Variants in PALM2AKAP2 observed in about 807,000 individuals in gnomAD.
The protein encoded by PALM2AKAP2 is PALM2-AKAP2 fusion protein.
Under a neutral mutation model 71.5 loss-of-function variants are expected in PALM2AKAP2, and 37 were observed. That is an observed-to-expected ratio of 0.52 (90% CI 0.40 to 0.68). PALM2AKAP2 has a LOEUF of 0.68. PALM2AKAP2 is among the 30% of genes least tolerant of loss of function. The pLI is 0.00. For synonymous variants in PALM2AKAP2, 468 were observed against 478.8 expected, an observed-to-expected ratio of 0.98 and a Z score of 0.29; for missense variants, 1,224 against 1,191.8, an observed-to-expected ratio of 1.03 and a Z score of -0.40.
At chr9:109,772,127 T>A (rs145062227) in intron 1 of PALM2AKAP2, 1 of 152,398 alleles carries the variant, frequency 6.6e-6, no homozygotes, top group Non-Finnish European at 1.5e-5. Context: ...AACTGCTTTT[T>A]CTAATTTACA....
chr9:109,704,004 C>G (rs1828104450), intron 1 of PALM2AKAP2, among the ~76,000 whole-genome samples: 1 of 152,192 alleles, frequency 6.6e-6, no homozygotes, highest in Non-Finnish European at 1.5e-5. Flanking sequence ...TGAAAGGCTC[C>G]TTGGCCAGGT....
At chr9:109,841,194 G>T (rs10980081) in intron 1 of PALM2AKAP2, among the ~76,000 whole-genome samples, 16,252 of 151,848 alleles carry the variant, frequency 0.11, 1,286 homozygotes, top group East Asian at 0.39. Flanking sequence ...CCATAAAAAA[G>T]GATGAGTTCA....
chr9:109,835,747 C>T lies in PALM2AKAP2; in HGVS notation c.46-31744C>T, dbSNP rs146982214. ...AGGAGATTATATCCTGCGCCTGGCT[C>T]AGAGGGTACCACGCCCATGGAGCCT... On this transcript the variant is annotated intron_variant, in intron 1 of 9. Coordinates refer to the PALM2AKAP2 transcript ENST00000302798. Among the ~76,000 whole-genome samples the T allele has an allele frequency of 3.0e-3, 455 of 152,302 alleles. 2 individuals are homozygous for T. Among genetic ancestry groups the T allele is most frequent in the African/African-American group, 0.011 (443 of 41,560 alleles).
At chr9:110,141,978 A>G (rs1185799708) in intron 2 of PALM2AKAP2, among the ~76,000 whole-genome samples, 1 of 152,062 alleles carries the variant, frequency 6.6e-6, no homozygotes, top group Admixed American at 6.6e-5. Flanking sequence ...TAAAAGATGG[A>G]CAATGAATGA....
chr9:110,144,899 G>A (rs1048294745), intron 2 of PALM2AKAP2, among the ~76,000 whole-genome samples: 2 of 152,142 alleles, frequency 1.3e-5, no homozygotes, highest in African/African-American at 4.8e-5. Flanking sequence ...AGTTGCCCAA[G>A]GTCACTCAGC....
chr9:109,669,401 A>AT (rs1827540737), intron 1 of PALM2AKAP2, among the ~76,000 whole-genome samples: 1 of 151,328 alleles, frequency 6.6e-6, no homozygotes, highest in Admixed American at 6.6e-5. Flanking sequence ...TATTGTTGTA[A>AT]TTTTTTTTCT....
At chr9:109,723,283 T>A (rs1587882710) in intron 1 of PALM2AKAP2, among the ~76,000 whole-genome samples, 2 of 152,224 alleles carry the variant, frequency 1.3e-5, no homozygotes, top group South Asian at 4.2e-4. Flanking sequence ...CTCCTATAAG[T>A]CTAATTATGA....
intron 2 of PALM2AKAP2, among the ~76,000 whole-genome samples, chr9:110,143,021 G>C (rs974543949): frequency 7.2e-5 from 11 of 152,110 alleles, no homozygotes; most frequent in African/African-American, 2.4e-4. Flanking sequence ...GAGCACTTCC[G>C]AAGGCAGGCG....
In PALM2AKAP2 at chr9:109,654,749, T is replaced by C. The variant is rs377245609; in HGVS notation, c.5+13883T>C. ...TTAGAGGTGCCTGTATGTATGTGTA[T>C]GGTGTGTGTGTGTGTGTGTGTGTGT... On this transcript the variant is annotated intron_variant, in intron 1 of 6. Coordinates refer to the PALM2AKAP2 transcript ENST00000374531. Among the ~76,000 whole-genome samples, 8 of 107,588 alleles carry C rather than the reference T, an allele frequency of 7.4e-5. No individual in the cohort carries two copies. In the South Asian group the frequency reaches 2.8e-3, roughly 38 times the overall value. The allele number at this position is 107,588 out of a possible 152,430, so 70.6% of individuals were successfully genotyped here.
At position 109,975,858 on chromosome 9, in the gene PALM2AKAP2, G is replaced by A. The variant is rs564444342; in HGVS notation, c.497-40096G>A. On this transcript the variant is annotated intron_variant, in intron 6 of 9. Transcript: ENST00000302798. The stretch of plus-strand genomic sequence containing the variant: ...ATTGCTGGGGAACCACGGGGCCTGT[G>A]CATTCAGGGTCAGCCGGTGGGGAGG... Among the ~76,000 whole-genome samples, 15 of 152,336 alleles carry A rather than the reference G, an allele frequency of 9.8e-5. 1 individual carries two copies. In the South Asian group the frequency reaches 2.5e-3, roughly 25 times the overall value.
Position 109,826,760 on chromosome 9 carries a change from T to C in PALM2AKAP2, c.46-40731T>C, listed in dbSNP as rs557295034. Among the ~76,000 whole-genome samples the C allele has an allele frequency of 2.0e-5, 3 of 152,248 alleles. No homozygotes were observed. The South Asian group carries it at 6.2e-4, about 32-fold the overall frequency. On this transcript the variant is annotated intron_variant, in intron 1 of 9. Coordinates refer to the PALM2AKAP2 transcript ENST00000302798. ...GAATAGGGTGTGAATGGAGAGTGGA[T>C]GTGTCTGGCAGCACCTCTTCTTATT...
chr9:109,985,803 C>T (rs1832366163), intron 6 of PALM2AKAP2, among the ~76,000 whole-genome samples: 1 of 152,050 alleles, frequency 6.6e-6, no homozygotes, highest in African/African-American at 2.4e-5. Flanking sequence ...GCATGCACCA[C>T]CATGCCCGGC....
At chr9:110,140,352 G>T (rs1204264745) in intron 2 of PALM2AKAP2, among the ~76,000 whole-genome samples, 1 of 152,198 alleles carries the variant, frequency 6.6e-6, no homozygotes, top group East Asian at 1.9e-4. Flanking sequence ...AGATATTCCA[G>T]TTTCATCTTA....
At chr9:109,813,764 GTGTTGTCCTGGACTT>G (rs1827783483) in intron 1 of PALM2AKAP2, among the ~76,000 whole-genome samples, 4 of 152,270 alleles carry the variant, frequency 2.6e-5, no homozygotes, top group Admixed American at 1.3e-4. Context: ...AGCCTAACTC[GTGTTGTCCTGGACTT>G]TTCAAGAAGC....
chr9:110,135,164 A>AAAATATATATATATATAT, intron 1 of PALM2AKAP2, among the ~76,000 whole-genome samples: 1 of 51,720 alleles, frequency 1.9e-5, no homozygotes, highest in Non-Finnish European at 3.8e-5. Context: ...AAAAAAAAAA[A>AAAATATATATATATATAT]ATATATAAAT....
chr9:109,884,493 T>C (rs1829922744), intron 3 of PALM2AKAP2, among the ~76,000 whole-genome samples: 1 of 151,808 alleles, frequency 6.6e-6, no homozygotes, highest in Non-Finnish European at 1.5e-5. Context: ...GAGGACTAAC[T>C]AAAACAATGC....
chr9:109,779,018 C>T (rs1490191143), upstream of PALM2AKAP2, among the ~76,000 whole-genome samples: 1 of 152,208 alleles, frequency 6.6e-6, no homozygotes, highest in Non-Finnish European at 1.5e-5. Flanking sequence ...GATCCACCCG[C>T]CTTGGCCTCC....
chr9:109,662,615 G>T (rs1412947658), intron 1 of PALM2AKAP2, among the ~76,000 whole-genome samples: 1 of 143,250 alleles, frequency 7.0e-6, no homozygotes, highest in Non-Finnish European at 1.5e-5. Flanking sequence ...CAGGGATATT[G>T]GTCTAAAATT....
rs377491425 is a variant in PALM2AKAP2, at chr9:110,005,489, A to C, written c.497-10465A>C. Among the ~76,000 whole-genome samples, 44 of 152,312 alleles carry C rather than the reference A, an allele frequency of 2.9e-4. No homozygotes were observed. In the East Asian group the frequency reaches 8.5e-3, roughly 29 times the overall value. ...TCGGGGGTCAGGGACCCACTTGAGGAGGCAGTCTGTCCATTCTCAGATCTC... is the reference window on the plus strand; with the variant it reads ...TCGGGGGTCAGGGACCCACTTGAGGCGGCAGTCTGTCCATTCTCAGATCTC... On this transcript the variant is annotated intron_variant, in intron 6 of 9. Coordinates refer to the PALM2AKAP2 transcript ENST00000302798.
Sources: gnomAD v4.1 joint callset for allele counts (sites outside exome capture counted in the v4.1 genomes callset) on GRCh38, gnomAD v4.1.1 for gene constraint, MANE v1.5 for transcripts, NCBI Gene and HGNC (gene_info 2026-07-23, HGNC 2026-07-21) for gene names.